PCDH7: variants seen among roughly 807,000 people sequenced by gnomAD.
PCDH7 encodes protocadherin-7.
A neutral mutation model predicts 58.9 loss-of-function variants in PCDH7; 17 were observed. That is an observed-to-expected ratio of 0.29 (90% confidence interval 0.20 to 0.43). PCDH7 has a LOEUF of 0.43. PCDH7 is among the 20% of genes least tolerant of loss of function. The probability of loss-of-function intolerance (pLI) is 1.00; values close to 1 mark genes in which losing one functional copy is unlikely to be tolerated. For missense variants in PCDH7, 1,274 were observed against 1,441.0 expected (o/e 0.88, Z 1.88); for synonymous variants, 664 against 616.4 (o/e 1.08, Z -1.14).
intron 1 of PCDH7, among the ~76,000 whole-genome samples, chr4:30,801,875 C>T (rs1014880317): frequency 1.3e-5 from 2 of 152,122 alleles, no homozygotes; most frequent in Non-Finnish European, 2.9e-5. Context: ...TATTTAATTC[C>T]TATGCTCACT....
In PCDH7 at chr4:31,099,168, G is replaced by T. The variant is rs77739269; in HGVS notation, c.*8-43305G>T. Among the ~76,000 whole-genome samples the T allele has an allele frequency of 3.5e-3, 530 of 152,210 alleles. 5 individuals are homozygous for T. The highest frequency in any genetic ancestry group is 0.014 in the Middle Eastern group (4 of 294). Reference sequence around the variant, plus strand: ...TTTCATTTGCCATGAATACAATCTGGCTAACACTGGTGCACACAGCTAAAA... The same window carrying T: ...TTTCATTTGCCATGAATACAATCTGTCTAACACTGGTGCACACAGCTAAAA... On this transcript the variant is annotated intron_variant, in intron 3 of 3. Coordinates refer to the PCDH7 transcript ENST00000509759.
At chr4:30,740,840 ACTT>A (rs1716972515) in intron 1 of PCDH7, among the ~76,000 whole-genome samples, 1 of 151,742 alleles carries the variant, frequency 6.6e-6, no homozygotes, top group Non-Finnish European at 1.5e-5. Context: ...ATATCATTTT[ACTT>A]CTTATTAAAA....
At chr4:30,821,520 C>T (rs995147437) in intron 1 of PCDH7, among the ~76,000 whole-genome samples, 2 of 152,152 alleles carry the variant, frequency 1.3e-5, no homozygotes, top group Non-Finnish European at 2.9e-5. Flanking sequence ...AGGATGGTGG[C>T]CTTCTCAAGG....
At chr4:30,832,784 TC>T in intron 1 of PCDH7, among the ~76,000 whole-genome samples, 1 of 152,170 alleles carries the variant, frequency 6.6e-6, no homozygotes, top group Non-Finnish European at 1.5e-5. Context: ...ACAGTTCCTC[TC>T]CTCCAGGCAG....
intron 1 of PCDH7, among the ~76,000 whole-genome samples, chr4:30,880,538 T>C (rs1736832964): frequency 1.3e-5 from 2 of 152,168 alleles, no homozygotes. Flanking sequence ...AAGTTCTTTA[T>C]GCACTGAGGT....
At chr4:31,130,958 C>T (rs944313697) in intron 3 of PCDH7, among the ~76,000 whole-genome samples, 7 of 152,062 alleles carry the variant, frequency 4.6e-5, no homozygotes, top group African/African-American at 1.7e-4. Flanking sequence ...TCACCTGAAA[C>T]CTTCATTCCC....
chr4:30,758,811 A>T lies in PCDH7; in HGVS notation c.70+34215A>T, dbSNP rs1413050014. Among the ~76,000 whole-genome samples, 3 of 152,282 alleles carry T rather than the reference A, an allele frequency of 2.0e-5. No homozygotes were observed. In the East Asian group the frequency reaches 5.8e-4, roughly 29 times the overall value. On this transcript the variant is annotated intron_variant, in intron 1 of 3. Coordinates refer to the PCDH7 transcript ENST00000509759. ...TGGAAGGAAGAGAGTATTTCATATA[A>T]TAAATTATTGATGCAGTTATTCTAA... is the stretch of plus-strand genomic sequence containing the variant.
intron 3 of PCDH7, among the ~76,000 whole-genome samples, chr4:31,048,745 T>C (rs1050051583): frequency 6.6e-6 from 1 of 151,870 alleles, no homozygotes; most frequent in Admixed American, 6.6e-5. Context: ...AGGCAAAGCT[T>C]AATTCTGTAA....
At chr4:31,049,047 G>T (rs1169952117) in intron 3 of PCDH7, among the ~76,000 whole-genome samples, 1 of 151,992 alleles carries the variant, frequency 6.6e-6, no homozygotes, top group Non-Finnish European at 1.5e-5. Context: ...TGTGCACAAC[G>T]TGCAGGTTTG....
intron 1 of PCDH7, among the ~76,000 whole-genome samples, chr4:30,862,919 T>A (rs772684293): frequency 4.6e-4 from 70 of 152,044 alleles, no homozygotes; most frequent in Non-Finnish European, 8.7e-4. Flanking sequence ...GTTCTGATTA[T>A]GAGAATGTAT....
intron 3 of PCDH7, among the ~76,000 whole-genome samples, chr4:31,047,357 C>G (rs1756370977): frequency 6.6e-6 from 1 of 151,964 alleles, no homozygotes; most frequent in African/African-American, 2.4e-5. Flanking sequence ...TCGGTGGTCT[C>G]AAAACTTGGT....
At chr4:31,056,104 C>T (rs963842003) in intron 3 of PCDH7, among the ~76,000 whole-genome samples, 1 of 151,944 alleles carries the variant, frequency 6.6e-6, no homozygotes, top group African/African-American at 2.4e-5. Context: ...CGTGGTGGCT[C>T]ATGCATGTAA....
Position 30,962,657 on chromosome 4 carries a change from C to A in PCDH7, c.*7+12442C>A, listed in dbSNP as rs184332479. On this transcript the variant is annotated intron_variant, in intron 3 of 3. Coordinates refer to the PCDH7 transcript ENST00000509759. ...AAAAATAGCAAGGTATGGTGGTGCT[C>A]TGTAGTGGCAGCTATTCTGGAGGCT... Among the ~76,000 whole-genome samples the A allele has an allele frequency of 5.5e-4, 83 of 151,446 alleles. 1 individual carries two copies. The highest frequency in any genetic ancestry group is 1.9e-3 in the African/African-American group (79 of 41,300).
intron 3 of PCDH7, among the ~76,000 whole-genome samples, chr4:31,020,625 G>A (rs1753948750): frequency 6.6e-6 from 1 of 152,220 alleles, no homozygotes; most frequent in Admixed American, 6.5e-5. Flanking sequence ...AAGTACTTCA[G>A]GACCTGTGTG....
At chr4:31,022,073 T>G (rs564407873) in intron 3 of PCDH7, among the ~76,000 whole-genome samples, 1 of 152,300 alleles carries the variant, frequency 6.6e-6, no homozygotes, top group South Asian at 2.1e-4. Context: ...ACACTTCCTT[T>G]GAATTACCTT....
intron 3 of PCDH7, among the ~76,000 whole-genome samples, chr4:31,004,608 C>T (rs1752618251): frequency 6.6e-6 from 1 of 152,030 alleles, no homozygotes; most frequent in African/African-American, 2.4e-5. Context: ...ATCGCTTGAA[C>T]CCGGGAGGTG....
chr4:31,073,284 T>C (rs1422212304), intron 3 of PCDH7, among the ~76,000 whole-genome samples: 2 of 152,148 alleles, frequency 1.3e-5, no homozygotes, highest in African/African-American at 4.8e-5. Context: ...GAACCATTGA[T>C]TTATAGCACA....
At chr4:30,785,763 T>C (rs1028963334) in intron 1 of PCDH7, among the ~76,000 whole-genome samples, 56 of 152,184 alleles carry the variant, frequency 3.7e-4, no homozygotes, top group African/African-American at 1.3e-3. Context: ...CATTGTTACA[T>C]TGGAAATTAA....
chr4:30,739,108 G>A (rs1716704324), intron 1 of PCDH7, among the ~76,000 whole-genome samples: 2 of 137,424 alleles, frequency 1.5e-5, no homozygotes, highest in South Asian at 5.7e-4. Context: ...GAGCAACCTG[G>A]AACTATATAT....
Sources: allele counts gnomAD v4.1 joint callset (sites outside exome capture counted in the v4.1 genomes callset), GRCh38; gene constraint gnomAD v4.1.1; transcripts MANE v1.5; gene names NCBI Gene and HGNC (gene_info 2026-07-23, HGNC 2026-07-21).